The following PIKFYVE variants were observed in gnomAD, a reference collection of about 807,000 sequenced individuals.
PIKFYVE encodes 1-phosphatidylinositol 3-phosphate 5-kinase.
A neutral mutation model predicts 257.9 loss-of-function variants in PIKFYVE; 122 were observed. The ratio of observed to expected loss-of-function variants is 0.47; its 90% confidence interval spans 0.41 to 0.55. The LOEUF (loss-of-function observed/expected upper bound fraction) is 0.55, where lower values mean the gene tolerates loss of function less well. PIKFYVE is among the 20% of genes least tolerant of loss of function. The pLI is 0.00. For synonymous variants in PIKFYVE, 892 were observed against 868.9 expected (o/e 1.03, Z -0.47); for missense variants, 2,160 against 2,536.6 (o/e 0.85, Z 3.19).
chr2:208,273,580 A>G lies in PIKFYVE; in HGVS notation c.173-4A>G. On this transcript the variant is annotated splice_polypyrimidine_tract_variant and splice_region_variant and intron_variant, in intron 2 of 41. Transcript: ENST00000264380. ...AAATAATGCCAAGCGTTCCCTTGCT[A>G]CAGAGAGAGCAGAAGGAGGCCAGGG... 2 of 1,614,128 alleles carry G rather than the reference A, an allele frequency of 1.2e-6. No individual in the cohort carries two copies. The highest frequency in any genetic ancestry group is 1.7e-6 in the Non-Finnish European group (2 of 1,180,012).
At chr2:208,306,566 T>A (rs1294559489) in intron 12 of PIKFYVE, among the ~76,000 whole-genome samples, 1 of 152,160 alleles carries the variant, frequency 6.6e-6, no homozygotes, top group Non-Finnish European at 1.5e-5. Context: ...ATCATAGAAT[T>A]TGTAATAGGG....
In PIKFYVE at chr2:208,271,708, A is replaced by T; in HGVS notation, c.172+17A>T. The T allele has an allele frequency of 1.2e-6, 2 of 1,605,872 alleles. No individual in the cohort carries two copies. Among genetic ancestry groups the T allele is most frequent in the Non-Finnish European group, 1.7e-6 (2 of 1,172,746 alleles). ...TTAACAAAGGTAAGACTTATTAAAG[A>T]TAAGAGGTTTGATTCAGGTCTGATT... On this transcript the variant is annotated intron_variant, in intron 2 of 41. Coordinates refer to ENST00000264380, the MANE Select transcript of PIKFYVE (RefSeq NM_015040.4).
At chr2:208,313,982 T>C (rs886437677) in intron 13 of PIKFYVE, among the ~76,000 whole-genome samples, 1 of 152,252 alleles carries the variant, frequency 6.6e-6, no homozygotes, top group African/African-American at 2.4e-5. Context: ...GCTGTGCTTA[T>C]AATTATTGGC....
intron 5 of PIKFYVE, among the ~76,000 whole-genome samples, chr2:208,285,178 C>T (rs1691392459): frequency 1.3e-5 from 2 of 152,176 alleles, no homozygotes; most frequent in Non-Finnish European, 1.5e-5. Context: ...TCACTGCAAC[C>T]TCCGCCTCCC....
intron 12 of PIKFYVE, among the ~76,000 whole-genome samples, chr2:208,306,146 A>G (rs1186645600): frequency 6.6e-6 from 1 of 152,238 alleles, no homozygotes; most frequent in Non-Finnish European, 1.5e-5. Context: ...AGTTATAGTA[A>G]TAAAAAGGAA....
At chr2:208,267,668 G>A (rs1052510097) in intron 1 of PIKFYVE, among the ~76,000 whole-genome samples, 5 of 151,878 alleles carry the variant, frequency 3.3e-5, no homozygotes, top group Admixed American at 2.6e-4. Flanking sequence ...CACCACACTC[G>A]GCTAATTTTT....
intron 6 of PIKFYVE, among the ~76,000 whole-genome samples, chr2:208,287,525 C>T (rs367917731): frequency 1.1e-4 from 17 of 152,056 alleles, no homozygotes; most frequent in Admixed American, 3.3e-4. Flanking sequence ...CTACCCGCCT[C>T]GGCCTCCCAA....
intron 12 of PIKFYVE, among the ~76,000 whole-genome samples, chr2:208,311,020 CTT>C (rs1694877804): frequency 6.6e-6 from 1 of 152,084 alleles, no homozygotes; most frequent in South Asian, 2.1e-4. Context: ...ATGTGTGTAA[CTT>C]TGAATGATCG....
At chr2:208,321,404 T>A (rs1696188440) in intron 17 of PIKFYVE, among the ~76,000 whole-genome samples, 1 of 152,020 alleles carries the variant, frequency 6.6e-6, no homozygotes, top group African/African-American at 2.4e-5. Flanking sequence ...AAAGAAACAG[T>A]GCTTTATAAA....
At chr2:208,328,999 C>G (rs1366603953) in intron 21 of PIKFYVE, among the ~76,000 whole-genome samples, 3 of 152,126 alleles carry the variant, frequency 2.0e-5, no homozygotes, top group Non-Finnish European at 4.4e-5. Flanking sequence ...TAAAAGCAGT[C>G]AACCTTTTGC....
At chr2:208,298,431 A>G (rs368618427) in intron 7 of PIKFYVE, among the ~76,000 whole-genome samples, 38 of 152,002 alleles carry the variant, frequency 2.5e-4, no homozygotes, top group Admixed American at 5.3e-4. Context: ...ATAGACTTAC[A>G]TAGGGTTGCA....
chr2:208,355,054 C>T, intron 41 of PIKFYVE, 136 bp from the exon 42 acceptor site: 2 of 738,348 alleles, frequency 2.7e-6, no homozygotes, highest in Non-Finnish European at 4.8e-6. Context: ...CAACAGATAA[C>T]CTTTCCTGCC....
At chr2:208,353,275 G>C (rs1699931932) in intron 39 of PIKFYVE, among the ~76,000 whole-genome samples, 1 of 152,152 alleles carries the variant, frequency 6.6e-6, no homozygotes, top group Non-Finnish European at 1.5e-5. Flanking sequence ...AATGTCAGCT[G>C]AACTAAACAA....
intron 6 of PIKFYVE, among the ~76,000 whole-genome samples, chr2:208,287,064 A>C (rs1175047189): frequency 6.7e-6 from 1 of 149,670 alleles, no homozygotes; most frequent in Non-Finnish European, 1.5e-5. Context: ...AAAATCATCT[A>C]ATCATGTCAC....
intron 23 of PIKFYVE, among the ~76,000 whole-genome samples, chr2:208,331,381 C>T (rs1351990246): frequency 1.3e-5 from 2 of 151,746 alleles, no homozygotes; most frequent in South Asian, 2.1e-4. Flanking sequence ...TAATTAGGTT[C>T]TTTCTTTCTT....
In PIKFYVE at chr2:208,276,756, C is replaced by G. The variant is rs150804503; in HGVS notation, c.367C>G (p.Arg123Gly). The change falls in exon 4 of 42, where the codon CGT (arginine) becomes GGT (glycine). Residue 123 changes from arginine to glycine, a missense_variant. Around this residue, in one of 12 missense-constraint regions of PIKFYVE, gnomAD observed 172 missense variants for 180.6 expected, o/e 0.95. Transcript: ENST00000264380. Reference protein sequence around the residue: ...AEPTFGGHDPRTAVQLRSLST... With the variant: ...AEPTFGGHDPGTAVQLRSLST... Reference sequence around the variant, plus strand: ...ACCTACCTTTGGAGGTCATGACCCTCGTACAGCTGTTCAGCTTCGAAGCCT... The same window carrying G: ...ACCTACCTTTGGAGGTCATGACCCTGGTACAGCTGTTCAGCTTCGAAGCCT... 2 of 1,613,684 alleles carry G rather than the reference C, an allele frequency of 1.2e-6. No homozygotes were observed. Among genetic ancestry groups the G allele is most frequent in the Non-Finnish European group, 1.7e-6 (2 of 1,179,694 alleles).
intron 23 of PIKFYVE, among the ~76,000 whole-genome samples, chr2:208,330,906 T>C (rs1697468432): frequency 6.6e-6 from 1 of 152,120 alleles, no homozygotes; most frequent in African/African-American, 2.4e-5. Context: ...AGTCATTAAA[T>C]AAAATACAAG....
At chr2:208,303,468 TATA>T (rs1181693097) in intron 10 of PIKFYVE, among the ~76,000 whole-genome samples, 1 of 152,248 alleles carries the variant, frequency 6.6e-6, no homozygotes, top group Non-Finnish European at 1.5e-5. Context: ...GTGTGTATTA[TATA>T]CCATATTCTT....
chr2:208,288,749 C>T lies in PIKFYVE; in HGVS notation c.842C>T (p.Ser281Leu), dbSNP rs753480729. The T allele has an allele frequency of 1.9e-6, 3 of 1,613,988 alleles. No individual in the cohort carries two copies. The highest frequency in any genetic ancestry group is 2.5e-6 in the Non-Finnish European group (3 of 1,179,972). The change falls in exon 7 of 42, where the codon TCA (serine) becomes TTA (leucine). Residue 281 changes from serine to leucine, a missense_variant. Coordinates refer to ENST00000264380, the MANE Select transcript of PIKFYVE (RefSeq NM_015040.4). ...TATAGTTTGATTCATCCAGATTCCT[C>T]AAATACTCCTCTTTCAACAAGACTT... ...AWQSLIHPDSSNTPLSTRLVS... is the reference protein window; with the variant it reads ...AWQSLIHPDSLNTPLSTRLVS...
Sources: gnomAD v4.1 joint callset for allele counts (sites outside exome capture counted in the v4.1 genomes callset) on GRCh38, gnomAD v4.1.1 for gene constraint, gnomAD v4.1.1 regional missense constraint, MANE v1.5 for transcripts, NCBI Gene and HGNC (gene_info 2026-07-23, HGNC 2026-07-21) for gene names.